SNRPN: variants seen among roughly 807,000 people sequenced by gnomAD.
SNRPN encodes small nuclear ribonucleoprotein polypeptide N.
Under a neutral mutation model 25.2 loss-of-function variants are expected in SNRPN, and 7 were observed. That is an observed-to-expected ratio of 0.28 (90% CI 0.16 to 0.52). SNRPN has a LOEUF of 0.52. Ranked by LOEUF, SNRPN falls within the 20% of genes least tolerant of loss-of-function variation. The pLI, the probability that SNRPN is intolerant of heterozygous loss-of-function variation, is 0.96. For synonymous variants in SNRPN, 124 were observed against 110.6 expected (o/e 1.12, Z -0.76); for missense variants, 196 against 322.5 (o/e 0.61, Z 3.00).
At chr15:24,827,613 A>T (rs2050200185) in intron 1 of SNRPN, among the ~76,000 whole-genome samples, 1 of 151,738 alleles carries the variant, frequency 6.6e-6, no homozygotes, top group African/African-American at 2.4e-5. Context: ...TCACGTCTGT[A>T]ATCCCAGCAC....
At chr15:24,970,773 C>T (rs1386404173) in intron 3 of SNRPN, among the ~76,000 whole-genome samples, 1 of 152,040 alleles carries the variant, frequency 6.6e-6, no homozygotes, top group African/African-American at 2.4e-5. Flanking sequence ...ATTAGTAGAC[C>T]ATTAGTTTCT....
intron 1 of SNRPN, among the ~76,000 whole-genome samples, chr15:24,869,444 T>C (rs572845594): frequency 4.7e-4 from 72 of 152,186 alleles, no homozygotes; most frequent in Non-Finnish European, 8.5e-4. Flanking sequence ...ATGAACACTT[T>C]GTGTTCCAGG....
chr15:24,955,525 C>T (rs769285300), intron 1 of SNRPN, among the ~76,000 whole-genome samples: 3 of 143,816 alleles, frequency 2.1e-5, no homozygotes, highest in Non-Finnish European at 3.0e-5. Flanking sequence ...GTGAAGTGAT[C>T]GGTATTTAGG....
intron 2 of SNRPN, among the ~76,000 whole-genome samples, chr15:24,915,624 C>T (rs1164175929): frequency 6.6e-6 from 1 of 152,146 alleles, no homozygotes; most frequent in Non-Finnish European, 1.5e-5. Flanking sequence ...AGTTTGTTTT[C>T]CCAGTGTTGA....
intron 2 of SNRPN, among the ~76,000 whole-genome samples, chr15:24,918,084 T>C (rs2059643424): frequency 6.6e-6 from 1 of 151,842 alleles, no homozygotes; most frequent in Non-Finnish European, 1.5e-5. Flanking sequence ...AGTTTGAGGG[T>C]AGAATTTATT....
intron 1 of SNRPN, among the ~76,000 whole-genome samples, chr15:24,877,574 C>T (rs553520328): frequency 6.6e-6 from 1 of 152,280 alleles, no homozygotes; most frequent in South Asian, 2.1e-4. Context: ...CCTGTAATCC[C>T]AGCACTTTGG....
At chr15:24,874,323 A>C in intron 1 of SNRPN, among the ~76,000 whole-genome samples, 1 of 139,158 alleles carries the variant, frequency 7.2e-6, no homozygotes, top group African/African-American at 2.5e-5. Flanking sequence ...AAAAAAAAAA[A>C]AAAAAAAAAA....
At position 24,843,127 on chromosome 15, in the gene SNRPN, G is replaced by A. The variant is rs542096902; in HGVS notation, c.-579+13222G>A. Among the ~76,000 whole-genome samples the A allele has an allele frequency of 3.2e-4, 48 of 152,102 alleles. 1 individual carries two copies. The highest frequency in any genetic ancestry group is 1.0e-3 in the Admixed American group (16 of 15,258). ...TCGCTCCTGTTGCCCAGGTTGGAGT[G>A]CAATCCTGCAACCTCGGCTCACTGC... On this transcript the variant is annotated intron_variant, in intron 2 of 12. Transcript: ENST00000400100.
intron 1 of SNRPN, among the ~76,000 whole-genome samples, chr15:24,884,623 CT>C (rs2057027751): frequency 6.6e-6 from 1 of 152,110 alleles, no homozygotes; most frequent in Admixed American, 6.5e-5. Context: ...CTTTTGGATT[CT>C]TTTAAATTTT....
intron 3 of SNRPN, chr15:24,968,461 A>G (rs1166016837): frequency 2.5e-5 from 4 of 159,794 alleles, no homozygotes; most frequent in Non-Finnish European, 5.5e-5. Flanking sequence ...AGCTTTGTAT[A>G]AAACTTAGAA....
chr15:24,960,298 C>T (rs937504786), intron 1 of SNRPN, among the ~76,000 whole-genome samples: 4 of 152,160 alleles, frequency 2.6e-5, no homozygotes, highest in African/African-American at 9.7e-5. Context: ...AGTTTCCCCA[C>T]ATCCTTTACA....
chr15:24,974,568 C>T, intron 4 of SNRPN, 112 bp downstream of exon 4: 1 of 985,136 alleles, frequency 1.0e-6, no homozygotes, highest in South Asian at 1.3e-5. Context: ...AAGGATACAT[C>T]CATGGATATG....
intron 2 of SNRPN, among the ~76,000 whole-genome samples, chr15:24,918,340 G>GTA (rs61181142): frequency 1.6e-4 from 8 of 49,012 alleles, no homozygotes; most frequent in African/African-American, 2.7e-4. Context: ...ATATATATGT[G>GTA]TATATATATA....
chr15:24,873,803 C>T (rs2149013920), intron 1 of SNRPN, among the ~76,000 whole-genome samples: 1 of 152,138 alleles, frequency 6.6e-6, no homozygotes, highest in African/African-American at 2.4e-5. Context: ...CTCATTCCTA[C>T]CTTCAATGAG....
At chr15:24,902,057 A>C (rs2058493531) in intron 2 of SNRPN, among the ~76,000 whole-genome samples, 1 of 152,230 alleles carries the variant, frequency 6.6e-6, no homozygotes, top group Non-Finnish European at 1.5e-5. Flanking sequence ...GTATTGCATA[A>C]ATGCTTAATT....
At position 24,976,766 on chromosome 15, in the gene SNRPN, A is replaced by G. The variant is rs757476049; in HGVS notation, c.268-111A>G. 153 of 937,814 alleles carry G rather than the reference A, an allele frequency of 1.6e-4. 1 individual carries two copies. In the South Asian group the frequency reaches 1.9e-3, roughly 12 times the overall value. The allele number at this position is 937,814 out of a possible 1,614,324, so 58.1% of individuals were successfully genotyped here. ...GTTTGTTCATTTGGACACAGAACTA[A>G]TATGAGATAGGTGTCATGGGAAAAT... is the stretch of plus-strand genomic sequence containing the variant. On this transcript the variant is annotated intron_variant, in intron 6 of 9. Transcript: ENST00000390687.
upstream of SNRPN, among the ~76,000 whole-genome samples, chr15:24,951,513 C>CTTT (rs34222681): frequency 7.3e-4 from 105 of 143,660 alleles, no homozygotes; most frequent in African/African-American, 2.2e-3. Context: ...AATAGTAACA[C>CTTT]TTTTTTTTTT....
intron 2 of SNRPN, among the ~76,000 whole-genome samples, chr15:24,895,125 C>T (rs1285634733): frequency 2.0e-5 from 3 of 152,110 alleles, no homozygotes; most frequent in East Asian, 3.9e-4. Context: ...CTTCAGATTC[C>T]TCTCAGTGTC....
At chr15:24,940,527 T>A (rs1177996517) in intron 3 of SNRPN, among the ~76,000 whole-genome samples, 1 of 152,250 alleles carries the variant, frequency 6.6e-6, no homozygotes, top group Non-Finnish European at 1.5e-5. Context: ...GAAGAGTTTA[T>A]TTCTGGGATC....
Sources: gnomAD v4.1 joint callset for allele counts (sites outside exome capture counted in the v4.1 genomes callset) on GRCh38, gnomAD v4.1.1 for gene constraint, MANE v1.5 for transcripts, NCBI Gene and HGNC (gene_info 2026-07-23, HGNC 2026-07-21) for gene names.